Variants in ATP2B4 observed in about 807,000 individuals in gnomAD.
ATP2B4 encodes the protein ATPase plasma membrane Ca2+ transporting 4, also known as plasma membrane calcium-transporting ATPase 4.
ATP2B4 carries 39 observed loss-of-function variants against 110.3 expected under a neutral mutation model. The ratio of observed to expected loss-of-function variants is 0.35; its 90% CI spans 0.27 to 0.46. ATP2B4 has a LOEUF of 0.46. Ranked by LOEUF, ATP2B4 falls within the 20% of genes least tolerant of loss-of-function variation. ATP2B4 has a pLI of 1.00. For synonymous variants in ATP2B4, 538 were observed against 571.7 expected, an observed-to-expected ratio of 0.94 and a Z score of 0.84; for missense variants, 1,135 against 1,530.9, an observed-to-expected ratio of 0.74 and a Z score of 4.32.
At position 203,683,005 on chromosome 1, in the gene ATP2B4, C is replaced by T. The variant is rs1665060367; in HGVS notation, c.-201C>T. On this transcript the variant is annotated 5_prime_UTR_variant, in exon 2 of 21. Transcript: ENST00000357681. ...TCCTCTTCCTCCTCTCGCTGCCAGACTTCATACGGAAGAAAGGATCTAGAC... is the reference window on the plus strand; with the variant it reads ...TCCTCTTCCTCCTCTCGCTGCCAGATTTCATACGGAAGAAAGGATCTAGAC... 2 of 524,792 alleles carry T rather than the reference C, an allele frequency of 3.8e-6. No individual in the cohort carries two copies. Among genetic ancestry groups the T allele is most frequent in the African/African-American group, 3.8e-5 (2 of 52,450 alleles). The allele number at this position is 524,792 out of a possible 1,614,324, so 32.5% of individuals were successfully genotyped here. A position where few individuals can be genotyped will look rare whatever the true frequency, so the allele number is the denominator to read the frequency against.
chr1:203,632,504 C>T (rs915236800), intron 1 of ATP2B4, among the ~76,000 whole-genome samples: 5 of 151,316 alleles, frequency 3.3e-5, no homozygotes, highest in Non-Finnish European at 7.4e-5. Flanking sequence ...CCACCACGCC[C>T]GGCTAATTTT....
intron 1 of ATP2B4, among the ~76,000 whole-genome samples, chr1:203,677,995 C>A (rs1314075986): frequency 6.6e-6 from 1 of 152,212 alleles, no homozygotes; most frequent in South Asian, 2.1e-4. Flanking sequence ...ACTGAGCAGC[C>A]CCTGCCTGTA....
intron 19 of ATP2B4, among the ~76,000 whole-genome samples, chr1:203,725,656 C>T (rs1056894901): frequency 3.9e-5 from 6 of 152,070 alleles, no homozygotes; most frequent in African/African-American, 1.4e-4. Flanking sequence ...AGTTTCACTT[C>T]TTCCTTAATA....
intron 12 of ATP2B4, 71 bp from the exon 13 acceptor site, chr1:203,711,885 GGACA>G (rs1230674470): frequency 3.9e-6 from 6 of 1,520,284 alleles, no homozygotes; most frequent in South Asian, 1.2e-5. Flanking sequence ...TGCCACAAAG[GGACA>G]GACAAACAGG....
At chr1:203,686,689 T>TG (rs1173719038) in intron 2 of ATP2B4, among the ~76,000 whole-genome samples, 1 of 115,132 alleles carries the variant, frequency 8.7e-6, no homozygotes, top group African/African-American at 3.3e-5. Flanking sequence ...TTCTTTCTTT[T>TG]TTTTTTTTTT....
At chr1:203,658,284 A>G (rs1293859512) in intron 1 of ATP2B4, among the ~76,000 whole-genome samples, 1 of 152,022 alleles carries the variant, frequency 6.6e-6, no homozygotes, top group African/African-American at 2.4e-5. Flanking sequence ...AGCACTCTGG[A>G]AAACCAAGAT....
intron 1 of ATP2B4, among the ~76,000 whole-genome samples, chr1:203,662,329 C>T (rs1488588134): frequency 6.6e-6 from 1 of 152,090 alleles, no homozygotes; most frequent in African/African-American, 2.4e-5. Flanking sequence ...CCCAGCTTAT[C>T]TTAACCATTT....
chr1:203,712,204 G>A (rs541710384), intron 13 of ATP2B4, 65 bp downstream of exon 13: 5 of 1,545,864 alleles, frequency 3.2e-6, no homozygotes, highest in Admixed American at 3.7e-5. Context: ...CTAGCATAAG[G>A]CATCTGGGTC....
chr1:203,734,034 G>A (rs114440238), intron 20 of ATP2B4, among the ~76,000 whole-genome samples: 63 of 152,322 alleles, frequency 4.1e-4, no homozygotes, highest in African/African-American at 1.5e-3. Context: ...GGCTGGGCAC[G>A]ATGGCTCACG....
intron 13 of ATP2B4, among the ~76,000 whole-genome samples, 153 bp from the exon 14 acceptor site, chr1:203,713,012 G>A (rs1039498114): frequency 6.6e-6 from 1 of 152,182 alleles, no homozygotes; most frequent in Non-Finnish European, 1.5e-5. Context: ...AGACTGGTTG[G>A]CTGTTTCATC....
intron 15 of ATP2B4, 111 bp downstream of exon 15, chr1:203,714,388 T>G (rs1425947662): frequency 1.5e-5 from 16 of 1,100,858 alleles, no homozygotes; most frequent in Non-Finnish European, 1.4e-6. Context: ...CATGGGGTGC[T>G]TTTTTGTCCA....
intron 1 of ATP2B4, among the ~76,000 whole-genome samples, chr1:203,676,629 G>C (rs1251852958): frequency 6.6e-6 from 1 of 152,126 alleles, no homozygotes; most frequent in Admixed American, 6.5e-5. Context: ...GGAAACAAGA[G>C]AGAGAATGCA....
intron 19 of ATP2B4, among the ~76,000 whole-genome samples, chr1:203,726,071 C>CAA (rs58722256): frequency 0.018 from 1,699 of 93,184 alleles, 44 homozygotes; most frequent in African/African-American, 0.056. Context: ...ACTAAAAATA[C>CAA]AAAAAAAAAA....
intron 1 of ATP2B4, among the ~76,000 whole-genome samples, chr1:203,674,637 CTTTTTTTTTTTTTTTTTTTTTT>C (rs57153257): frequency 0.013 from 606 of 46,278 alleles, 11 homozygotes; most frequent in Middle Eastern, 0.062. Flanking sequence ...CCACACCTGG[CTTTTTTTTTTTTTTTTTTTTTT>C]TTTTTTTTTT....
At chr1:203,658,083 A>G (rs1163160951) in intron 1 of ATP2B4, among the ~76,000 whole-genome samples, 1 of 152,216 alleles carries the variant, frequency 6.6e-6, no homozygotes, top group Non-Finnish European at 1.5e-5. Flanking sequence ...AATAGACTAT[A>G]GTATTGTGTA....
chr1:203,712,123 G>T lies in ATP2B4; in HGVS notation c.2195G>T (p.Arg732Leu). 1 of 1,613,926 alleles carries T rather than the reference G, an allele frequency of 6.2e-7. No individual in the cohort carries two copies. The highest frequency in any genetic ancestry group is 8.5e-7 in the Non-Finnish European group (1 of 1,179,904). The change falls in exon 13 of 21, where the codon CGC becomes CTC. Residue 732 changes from arginine to leucine, a missense_variant. Arg to Leu is a moderately radical substitution (Grantham distance 102, BLOSUM62 -2). Transcript: ENST00000357681. The part of the protein sequence containing the change: ...LEGKEFNRLI[R>L]NEKGEVEQEK... ...GGCAAAGAATTCAACCGGCTCATCC[G>T]CAACGAGAAAGGCGAGGTGGGTCCT...
At chr1:203,711,202 CACTT>C in intron 12 of ATP2B4, 94 bp downstream of exon 12, 1 of 1,143,180 alleles carries the variant, frequency 8.7e-7, no homozygotes, top group Admixed American at 1.9e-5. Flanking sequence ...AACTGCCTCT[CACTT>C]AGAGGGATAG....
intron 1 of ATP2B4, among the ~76,000 whole-genome samples, chr1:203,658,791 G>T (rs1372924455): frequency 6.6e-6 from 1 of 151,898 alleles, no homozygotes; most frequent in African/African-American, 2.4e-5. Flanking sequence ...GGATCACAAG[G>T]TCAGGAGATC....
intron 1 of ATP2B4, among the ~76,000 whole-genome samples, chr1:203,674,569 G>T (rs1021086314): frequency 7.4e-5 from 11 of 149,434 alleles, no homozygotes; most frequent in African/African-American, 2.7e-4. Flanking sequence ...TGCCTCCAAG[G>T]TTCAAGTGAT....
Sources: gnomAD v4.1 joint callset for allele counts (sites outside exome capture counted in the v4.1 genomes callset) on GRCh38, gnomAD v4.1.1 for gene constraint, MANE v1.5 for transcripts, NCBI Gene and HGNC (gene_info 2026-07-23, HGNC 2026-07-21) for gene names.